Variants in SCN7A observed in about 807,000 individuals in gnomAD.
SCN7A encodes sodium voltage-gated channel alpha subunit 7, also known as sodium channel protein type 7 subunit alpha.
A neutral mutation model predicts 155.2 loss-of-function variants in SCN7A; 138 were observed. The observed-to-expected ratio is 0.89, with a 90% CI of 0.77 to 1.02. SCN7A has a LOEUF of 1.02. SCN7A is among the 50% of genes least tolerant of loss of function. The pLI, the probability that SCN7A is intolerant of heterozygous loss-of-function variation, is 0.00. For synonymous variants in SCN7A, 693 were observed against 649.0 expected, an observed-to-expected ratio of 1.07 and a Z score of -1.03; for missense variants, 2,058 against 1,986.6, an observed-to-expected ratio of 1.04 and a Z score of -0.68.
rs781537745 is a variant in SCN7A, at chr2:166,432,340, G to C, written c.2570C>G (p.Ser857Cys). The change falls in exon 16 of 26, where the codon TCT becomes TGT. Residue 857 changes from serine (S) to cysteine (C), a missense_variant. Physicochemically the swap from Ser to Cys is moderately radical, Grantham distance 112. Coordinates refer to ENST00000643258, the MANE Select transcript of SCN7A (RefSeq NM_002976.4). ...NLDNKEIQSK[S>C]GDGGSKEKIK... ...TACCTCTTTGCTGCCTCCATCACCAGACTTACTCTGAATCTCCTTATTATC... is the reference window on the plus strand; with the variant it reads ...TACCTCTTTGCTGCCTCCATCACCACACTTACTCTGAATCTCCTTATTATC... 30 of 1,610,150 alleles carry C rather than the reference G, an allele frequency of 1.9e-5. No homozygotes were observed. The South Asian group carries it at 2.7e-4, about 14-fold the overall frequency.
At chr2:166,441,339 ATACCAAAC>A (rs1701955177) in intron 15 of SCN7A, 49 bp downstream of exon 15, 2 of 1,267,248 alleles carry the variant, frequency 1.6e-6, no homozygotes, top group Non-Finnish European at 2.2e-6. Context: ...CATCATGAAA[ATACCAAAC>A]TACCTTATAC....
intron 25 of SCN7A, among the ~76,000 whole-genome samples, chr2:166,407,124 A>G (rs920717511): frequency 4.6e-5 from 7 of 152,076 alleles, no homozygotes; most frequent in Non-Finnish European, 2.9e-5. Flanking sequence ...AATAATTATA[A>G]GACAGAAATT....
intron 12 of SCN7A, among the ~76,000 whole-genome samples, chr2:166,446,587 G>A (rs556330238): frequency 3.3e-5 from 5 of 152,116 alleles, no homozygotes; most frequent in African/African-American, 9.6e-5. Context: ...TCATTGCAGC[G>A]CTATTCACAA....
chr2:166,482,763 C>CAAA (rs34623846), intron 2 of SCN7A, among the ~76,000 whole-genome samples: 1 of 142,530 alleles, frequency 7.0e-6, no homozygotes. Flanking sequence ...TGCGATACTG[C>CAAA]AAAAAAAAAA....
intron 21 of SCN7A, among the ~76,000 whole-genome samples, chr2:166,415,472 C>T (rs556749657): frequency 3.7e-4 from 56 of 152,102 alleles, no homozygotes; most frequent in Non-Finnish European, 7.2e-4. Context: ...ATCTGCCCAC[C>T]TCGGCCTCCC....
chr2:166,443,617 A>G lies in SCN7A; in HGVS notation c.1686T>C (p.Tyr562=), dbSNP rs370477544. 3.8e-6 allele frequency: 6 copies of G among 1,571,252 alleles called. No individual in the cohort carries two copies. Among genetic ancestry groups the G allele is most frequent in the Non-Finnish European group, 4.3e-6 (5 of 1,157,256 alleles). The stretch of plus-strand genomic sequence containing the variant: ...TGTTCCAACCTACTTGGAAATACCC[A>G]TATGGATGCATTGCAATTATTTTAA... The part of the protein sequence containing the change: ...MIFKIIAMHP[Y]GYFQVGWNIF... Residue 562 remains tyrosine, a synonymous_variant, in exon 14 of 26, where the codon TAT becomes TAC. Transcript: ENST00000643258.
At chr2:166,475,894 G>A (rs1254814081) in intron 3 of SCN7A, among the ~76,000 whole-genome samples, 1 of 152,110 alleles carries the variant, frequency 6.6e-6, no homozygotes, top group East Asian at 1.9e-4. Context: ...TAGACCAAGA[G>A]TAACTCTGGG....
rs1225388896 is a variant in SCN7A at position 166,477,664 on chromosome 2, A to G, written c.33T>C (p.Val11=). 1 of 1,595,856 alleles carries G rather than the reference A, an allele frequency of 6.3e-7. No individual in the cohort carries two copies. The highest frequency in any genetic ancestry group is 2.2e-5 in the East Asian group (1 of 44,472). Residue 11 remains valine, a synonymous_variant, in exon 3 of 26, where the codon GTT becomes GTC. Coordinates refer to ENST00000643258, the MANE Select transcript of SCN7A (RefSeq NM_002976.4). Reference sequence around the variant, plus strand: ...GTTCAAAAGACTCTTTAGTGAAGGGAACAAGGCCCTTAGGTTCTGGTGAAG... The same window carrying G: ...GTTCAAAAGACTCTTTAGTGAAGGGGACAAGGCCCTTAGGTTCTGGTGAAG... MLASPEPKGL[V]PFTKESFELI... is the part of the protein sequence containing the mutation.
At chr2:166,442,360 T>C (rs1371257074) in intron 14 of SCN7A, among the ~76,000 whole-genome samples, 1 of 152,140 alleles carries the variant, frequency 6.6e-6, no homozygotes, top group African/African-American at 2.4e-5. Flanking sequence ...CATTTTTATA[T>C]AGGCTATACC....
At chr2:166,416,674 TA>T (rs1701383790) in intron 21 of SCN7A, 32 bp downstream of exon 21, 1 of 1,534,808 alleles carries the variant, frequency 6.5e-7, no homozygotes, top group African/African-American at 1.4e-5. Flanking sequence ...GATGAATATA[TA>T]ATTAATAAGG....
At chr2:166,463,000 A>G (rs1481218689) in intron 9 of SCN7A, among the ~76,000 whole-genome samples, 8 of 152,050 alleles carry the variant, frequency 5.3e-5, no homozygotes, top group African/African-American at 1.9e-4. Flanking sequence ...TATCTTTACT[A>G]CTCCAATATT....
At chr2:166,438,458 G>A (rs1475227882) in intron 15 of SCN7A, among the ~76,000 whole-genome samples, 1 of 152,074 alleles carries the variant, frequency 6.6e-6, no homozygotes, top group African/African-American at 2.4e-5. Context: ...ACTGAAATTT[G>A]AACCTATGTT....
At position 166,416,950 on chromosome 2, in the gene SCN7A, G is replaced by A; in HGVS notation, c.3171C>T (p.Pro1057=). ...VVRALIKTTL[P]TLNVFLVCLM... ...GGCAGACAAGAAACACATTCAAAGT[G>A]GGTAAGGTTGTTTTGATCAAAGCTC... Residue 1057 remains proline (P), a synonymous_variant, in exon 21 of 26, where the codon CCC becomes CCT. Coordinates refer to ENST00000643258, the MANE Select transcript of SCN7A (RefSeq NM_002976.4). 1 of 1,607,476 alleles carries A rather than the reference G, an allele frequency of 6.2e-7. No homozygotes were observed. The highest frequency in any genetic ancestry group is 8.5e-7 in the Non-Finnish European group (1 of 1,176,546).
chr2:166,428,881 T>C (rs1196671942), intron 17 of SCN7A, among the ~76,000 whole-genome samples: 1 of 152,064 alleles, frequency 6.6e-6, no homozygotes, highest in African/African-American at 2.4e-5. Context: ...ACTGAGATGT[T>C]TGTGTATACA....
chr2:166,461,054 T>C lies in SCN7A; in HGVS notation c.1083+1335A>G, dbSNP rs1438521268. Among the ~76,000 whole-genome samples, 4 of 145,388 alleles carry C rather than the reference T, an allele frequency of 2.8e-5. No homozygotes were observed. In the East Asian group the frequency reaches 8.2e-4, roughly 30 times the overall value. On this transcript the variant is annotated intron_variant, in intron 10 of 25. Transcript: ENST00000643258. ...ATGTCACTTGTAATATTTTCTTTTT[T>C]TTTTTTTTTTTTTTTTTTTACCAAA...
chr2:166,487,810 TG>T (rs1163346057), intron 1 of SCN7A, among the ~76,000 whole-genome samples: 3 of 152,102 alleles, frequency 2.0e-5, no homozygotes, highest in Non-Finnish European at 4.4e-5. Context: ...GTAAGGACAG[TG>T]GATCAATAGA....
chr2:166,450,272 T>C (rs193134691), intron 11 of SCN7A, among the ~76,000 whole-genome samples: 4 of 152,086 alleles, frequency 2.6e-5, no homozygotes, highest in Admixed American at 2.6e-4. Flanking sequence ...TGTGTACACA[T>C]GGACATTAAG....
chr2:166,474,213 C>G lies in SCN7A; in HGVS notation c.353+13G>C, dbSNP rs1702726642. The G allele has an allele frequency of 7.9e-7, 1 of 1,264,658 alleles. No individual in the cohort carries two copies. Among genetic ancestry groups the G allele is most frequent in the African/African-American group, 1.5e-5 (1 of 65,156 alleles). 78.3% of individuals were successfully genotyped at this position (1,264,658 alleles called of 1,614,324 possible). On this transcript the variant is annotated intron_variant, in intron 4 of 25. Transcript: ENST00000643258. ...GCACAGTTTAAAGTCAACAAGTCAA[C>G]AGAAAAGGATATGGATGTACCAAAA... is the stretch of plus-strand genomic sequence containing the variant.
At position 166,465,449 on chromosome 2, in the gene SCN7A, T is replaced by C; in HGVS notation, c.941+13A>G. On this transcript the variant is annotated intron_variant, in intron 9 of 25. Transcript: ENST00000643258. ...TGATAATGATTTAATAGAATAAAAC[T>C]AATACCACCTACCCAGCATCTGTCC... 6.3e-7 allele frequency: 1 copy of C among 1,579,878 alleles called. No individual in the cohort carries two copies. The highest frequency in any genetic ancestry group is 2.2e-5 in the East Asian group (1 of 44,652).
Sources: allele counts gnomAD v4.1 joint callset (sites outside exome capture counted in the v4.1 genomes callset), GRCh38; gene constraint gnomAD v4.1.1; transcripts MANE v1.5; gene names NCBI Gene and HGNC (gene_info 2026-07-23, HGNC 2026-07-21).